SUPT3H: variants seen among roughly 807,000 people sequenced by gnomAD.
SUPT3H encodes the protein transcription initiation protein SPT3 homolog.
Under a neutral mutation model 44.3 loss-of-function variants are expected in SUPT3H, and 44 were observed. That is an observed-to-expected ratio of 0.99 (90% CI 0.78 to 1.28). The LOEUF (loss-of-function observed/expected upper bound fraction) is 1.28. Ranked by LOEUF, SUPT3H falls within the 50% of genes most tolerant of loss-of-function variation. The probability of loss-of-function intolerance (pLI) is 0.00; values close to 1 mark genes in which losing one functional copy is unlikely to be tolerated. For missense variants in SUPT3H, 380 were observed against 387.1 expected (o/e 0.98, Z 0.15); for synonymous variants, 124 against 125.6 (o/e 0.99, Z 0.09).
chr6:44,813,809 GAGAA>G (rs1468305425), intron 11 of SUPT3H, among the ~76,000 whole-genome samples: 1 of 151,500 alleles, frequency 6.6e-6, no homozygotes, highest in Non-Finnish European at 1.5e-5. Flanking sequence ...TTGAAGCAGA[GAGAA>G]AAGGAAATAA....
chr6:45,184,761 A>G (rs1813873997), intron 2 of SUPT3H, among the ~76,000 whole-genome samples: 1 of 142,962 alleles, frequency 7.0e-6, no homozygotes. Flanking sequence ...ATGTAGAACC[A>G]CCAACAGGCA....
At chr6:45,010,406 G>T (rs1283212892) in intron 5 of SUPT3H, among the ~76,000 whole-genome samples, 3 of 152,014 alleles carry the variant, frequency 2.0e-5, no homozygotes, top group Admixed American at 1.3e-4. Flanking sequence ...TCTTTGTCTT[G>T]TTCCCGATCT....
At chr6:44,996,358 C>A (rs1271201698) in intron 6 of SUPT3H, among the ~76,000 whole-genome samples, 2 of 151,576 alleles carry the variant, frequency 1.3e-5, no homozygotes, top group Non-Finnish European at 3.0e-5. Context: ...AATGTTCTTA[C>A]TGATTTTAAA....
intron 6 of SUPT3H, among the ~76,000 whole-genome samples, chr6:44,988,279 T>C (rs1189753763): frequency 2.0e-5 from 3 of 151,808 alleles, no homozygotes; most frequent in South Asian, 2.1e-4. Context: ...CACGGAACAG[T>C]TGTAAAAAGC....
intron 3 of SUPT3H, among the ~76,000 whole-genome samples, chr6:45,084,960 G>A (rs975085583): frequency 2.0e-5 from 3 of 152,008 alleles, no homozygotes; most frequent in Non-Finnish European, 2.9e-5. Flanking sequence ...GGAACTATAG[G>A]AGGTAAGAGG....
intron 10 of SUPT3H, among the ~76,000 whole-genome samples, chr6:44,907,778 G>A (rs1477789680): frequency 6.6e-6 from 1 of 152,166 alleles, no homozygotes; most frequent in Non-Finnish European, 1.5e-5. Flanking sequence ...TACACAACAT[G>A]GCTGTCTCCA....
chr6:45,327,844 TAC>T (rs1786627209), intron 2 of SUPT3H, among the ~76,000 whole-genome samples: 1 of 151,902 alleles, frequency 6.6e-6, no homozygotes, highest in African/African-American at 2.4e-5. Flanking sequence ...CAGAATGTGA[TAC>T]AGTCCAAAGA....
intron 2 of SUPT3H, among the ~76,000 whole-genome samples, chr6:45,279,469 T>C (rs1310292057): frequency 3.9e-5 from 6 of 152,284 alleles, no homozygotes; most frequent in African/African-American, 1.4e-4. Flanking sequence ...CATGAGTGGC[T>C]TGGTGCTGTC....
chr6:45,285,120 A>C (rs1313843993), intron 2 of SUPT3H, among the ~76,000 whole-genome samples: 1 of 151,740 alleles, frequency 6.6e-6, no homozygotes, highest in Non-Finnish European at 1.5e-5. Context: ...TCTATGACAA[A>C]CCCACAGCCA....
chr6:45,203,527 C>G (rs1185852733), intron 2 of SUPT3H, among the ~76,000 whole-genome samples: 1 of 152,198 alleles, frequency 6.6e-6, no homozygotes, highest in Non-Finnish European at 1.5e-5. Context: ...CACTTGAAAC[C>G]TTTTCTGCAT....
At chr6:45,048,879 T>C (rs1242187811) in intron 3 of SUPT3H, among the ~76,000 whole-genome samples, 2 of 151,406 alleles carry the variant, frequency 1.3e-5, no homozygotes, top group Non-Finnish European at 2.9e-5. Flanking sequence ...TACCAGGAGC[T>C]GAGGGGGAGG....
chr6:45,023,804 G>C (rs1785523478), intron 3 of SUPT3H, among the ~76,000 whole-genome samples: 1 of 152,164 alleles, frequency 6.6e-6, no homozygotes, highest in South Asian at 2.1e-4. Flanking sequence ...CTCTTGGGTA[G>C]TGGGCTTAAT....
At chr6:45,218,371 G>A (rs1178942816) in intron 2 of SUPT3H, among the ~76,000 whole-genome samples, 2 of 151,808 alleles carry the variant, frequency 1.3e-5, no homozygotes, top group Non-Finnish European at 2.9e-5. Context: ...GATAGAGCTG[G>A]AAAAAAAATT....
At chr6:45,037,182 C>T (rs747334767) in intron 3 of SUPT3H, among the ~76,000 whole-genome samples, 3 of 151,854 alleles carry the variant, frequency 2.0e-5, no homozygotes, top group Non-Finnish European at 1.5e-5. Flanking sequence ...CAGGTGATTT[C>T]AGAGCCAAAA....
chr6:45,118,149 C>G (rs1190615541), intron 2 of SUPT3H, among the ~76,000 whole-genome samples: 2 of 152,064 alleles, frequency 1.3e-5, no homozygotes. Flanking sequence ...TATTTATATA[C>G]ACTATTAACA....
At chr6:44,836,533 G>A (rs747603410) in intron 10 of SUPT3H, among the ~76,000 whole-genome samples, 4 of 152,020 alleles carry the variant, frequency 2.6e-5, no homozygotes, top group Non-Finnish European at 4.4e-5. Context: ...GTCATTTTAT[G>A]CCCGATTTTC....
chr6:45,137,377 A>G (rs1320170683), intron 2 of SUPT3H, among the ~76,000 whole-genome samples: 1 of 152,020 alleles, frequency 6.6e-6, no homozygotes, highest in African/African-American at 2.4e-5. Flanking sequence ...GACTCTCTAA[A>G]GACACTTTTT....
chr6:45,275,164 A>G (rs999025924), intron 2 of SUPT3H, among the ~76,000 whole-genome samples: 1 of 152,150 alleles, frequency 6.6e-6, no homozygotes, highest in Non-Finnish European at 1.5e-5. Context: ...TATCACAGTA[A>G]TATTAACATC....
chr6:44,883,404 T>G (rs1778588049), intron 10 of SUPT3H, among the ~76,000 whole-genome samples: 1 of 152,204 alleles, frequency 6.6e-6, no homozygotes, highest in Non-Finnish European at 1.5e-5. Context: ...AAACATTCCA[T>G]GCTTATGGAT....
Sources: gnomAD v4.1 joint callset for allele counts (sites outside exome capture counted in the v4.1 genomes callset) on GRCh38, gnomAD v4.1.1 for gene constraint, MANE v1.5 for transcripts, NCBI Gene and HGNC (gene_info 2026-07-23, HGNC 2026-07-21) for gene names.